Variants in COXFA4L2 observed in about 807,000 individuals in gnomAD.
The protein encoded by COXFA4L2 is cytochrome c oxidase hypoxia associated subunit FA4L2, also known as NADH dehydrogenase (ubiquinone) 1 alpha subcomplex, 4-like 2.
chr12:57,235,477 G>A, the COXFA4L2 span: 3 of 1,432,548 alleles, frequency 2.1e-6, no homozygotes, highest in Non-Finnish European at 2.9e-6. Context: ...TGGCCGGAGT[G>A]ATGCCTTGGG....
At chr12:57,235,723 G>A in the COXFA4L2 span, 141 of 1,610,586 alleles carry the variant, frequency 8.8e-5, 2 homozygotes, top group East Asian at 2.7e-3. Context: ...AGGATGGGGG[G>A]CAACCCTAGA....
the COXFA4L2 span, chr12:57,236,501 C>T: frequency 1.8e-6 from 2 of 1,098,424 alleles, no homozygotes; most frequent in African/African-American, 1.6e-5. Flanking sequence ...AAGGTGCATG[C>T]AGCAGGGCAC....
chr12:57,235,753 T>TCA, the COXFA4L2 span: 2 of 1,596,870 alleles, frequency 1.3e-6, no homozygotes, highest in Non-Finnish European at 8.6e-7. Context: ...AGGTACCTTG[T>TCA]ATTGGTCATT....
chr12:57,240,045 G>T, the COXFA4L2 span: 3 of 152,206 alleles, frequency 2.0e-5, no homozygotes, highest in East Asian at 1.9e-4. Context: ...TTCCCGCTGC[G>T]GCTGTGGGAC....
the COXFA4L2 span, among the ~76,000 whole-genome samples, chr12:57,238,421 G>A: frequency 6.6e-6 from 1 of 152,124 alleles, no homozygotes; most frequent in Non-Finnish European, 1.5e-5. The surrounding 1 kb of genome is among the most constrained non-coding windows in gnomAD (Gnocchi z 6.8). Flanking sequence ...GGGGGCGGGG[G>A]AGCGGGGCTG....
At chr12:57,237,341 C>T in the COXFA4L2 span, 1 of 1,405,746 alleles carries the variant, frequency 7.1e-7, no homozygotes, top group Admixed American at 3.0e-5. Context: ...TGCACCTGGA[C>T]CAAGGGACAC....
At chr12:57,238,885 G>A in the COXFA4L2 span, among the ~76,000 whole-genome samples, 1 of 152,156 alleles carries the variant, frequency 6.6e-6, no homozygotes, top group Non-Finnish European at 1.5e-5. This position sits in a 1 kb window ranked among gnomAD's most constrained non-coding sequence, Gnocchi z 6.8. Context: ...CCCTGTCTCT[G>A]TGAATTTATT....
chr12:57,236,993 T>A, the COXFA4L2 span: 1 of 1,612,582 alleles, frequency 6.2e-7, no homozygotes, highest in Non-Finnish European at 8.5e-7. Context: ...AGCAGGAGAG[T>A]TAGGAGTTAG....
At chr12:57,235,780 C>T in the COXFA4L2 span, 1 of 1,573,894 alleles carries the variant, frequency 6.4e-7, no homozygotes, top group Middle Eastern at 1.7e-4. Flanking sequence ...CAGGCGGTTC[C>T]AGGGCTCCGG....
At chr12:57,238,460 G>A in the COXFA4L2 span, among the ~76,000 whole-genome samples, 4 of 152,128 alleles carry the variant, frequency 2.6e-5, no homozygotes, top group Non-Finnish European at 5.9e-5. The surrounding 1 kb of genome is among the most constrained non-coding windows in gnomAD (Gnocchi z 6.8). Context: ...CAGCAGCCCA[G>A]CCCTCCCGAG....
chr12:57,237,255 T>C, the COXFA4L2 span: 1 of 1,468,108 alleles, frequency 6.8e-7, no homozygotes, highest in Non-Finnish European at 9.0e-7. Flanking sequence ...TCTCCTCAAT[T>C]CCAGGCCCAA....
chr12:57,235,589 GCTTCTTATAGT>G, the COXFA4L2 span: 1 of 1,614,128 alleles, frequency 6.2e-7, no homozygotes, highest in Admixed American at 1.7e-5. Context: ...TCCTTCTTCA[GCTTCTTATAGT>G]CAGTGGAAAC....
chr12:57,238,138 C>T, the COXFA4L2 span, among the ~76,000 whole-genome samples: 1 of 152,114 alleles, frequency 6.6e-6, no homozygotes, highest in East Asian at 1.9e-4. The surrounding 1 kb of genome is among the most constrained non-coding windows in gnomAD (Gnocchi z 6.8). Context: ...GAGCACCTCC[C>T]CCTCCAGAGC....
the COXFA4L2 span, chr12:57,235,500 G>T: frequency 1.3e-6 from 2 of 1,542,806 alleles, no homozygotes; most frequent in South Asian, 1.1e-5. Context: ...CTGCGGGGAG[G>T]AGTGGAAGAA....
chr12:57,239,966 T>TCGGGGCACTGCCCGGGGTCCTCATC, the COXFA4L2 span: 1 of 152,264 alleles, frequency 6.6e-6, no homozygotes, highest in African/African-American at 2.4e-5. The surrounding 1 kb of genome is among the most constrained non-coding windows in gnomAD (Gnocchi z 5.5). Context: ...CGGAGACGCC[T>TCGGGGCACTGCCCGGGGTCCTCATC]CGGGGCACTG....
At chr12:57,239,273 C>A in the COXFA4L2 span, among the ~76,000 whole-genome samples, 1 of 152,204 alleles carries the variant, frequency 6.6e-6, no homozygotes, top group Non-Finnish European at 1.5e-5. The surrounding 1 kb of genome is among the most constrained non-coding windows in gnomAD (Gnocchi z 5.5). Context: ...CCTTGGGCAC[C>A]CCCTGTCGGG....
chr12:57,238,322 C>T, the COXFA4L2 span, among the ~76,000 whole-genome samples: 1 of 152,178 alleles, frequency 6.6e-6, no homozygotes, highest in Admixed American at 6.5e-5. The surrounding 1 kb of genome is among the most constrained non-coding windows in gnomAD (Gnocchi z 6.8). Context: ...GGGTCCCGGG[C>T]TCTCCGCCTC....
chr12:57,235,806 C>G, the COXFA4L2 span: 4 of 1,540,364 alleles, frequency 2.6e-6, no homozygotes, highest in East Asian at 9.1e-5. Flanking sequence ...TCTTTCTGTC[C>G]CAGCTGTGGA....
chr12:57,236,615 C>T, the COXFA4L2 span: 16 of 1,584,008 alleles, frequency 1.0e-5, no homozygotes, highest in East Asian at 2.3e-5. Flanking sequence ...CTGCGAAGGG[C>T]GAGTCGCAGC....
Sources: allele counts gnomAD v4.1 joint callset (sites outside exome capture counted in the v4.1 genomes callset), GRCh38; gene constraint gnomAD v4.1.1; non-coding constraint Gnocchi (gnomAD v3.1); transcripts MANE v1.5; gene names NCBI Gene and HGNC (gene_info 2026-07-23, HGNC 2026-07-21).